UPF3A: variants seen among roughly 807,000 people sequenced by gnomAD.
UPF3A encodes UPF3A regulator of nonsense mediated mRNA decay, also known as regulator of nonsense transcripts 3A.
In UPF3A, 42 loss-of-function variants were observed where a neutral mutation model predicts 53.5. That is an observed-to-expected ratio of 0.78 (90% CI 0.61 to 1.01). UPF3A has a LOEUF of 1.01. Ranked by LOEUF, UPF3A falls within the 50% of genes least tolerant of loss-of-function variation. The probability of loss-of-function intolerance (pLI) is 0.00; values close to 1 mark genes in which losing one functional copy is unlikely to be tolerated. For synonymous variants in UPF3A, 237 were observed against 225.3 expected, an observed-to-expected ratio of 1.05 and a Z score of -0.47; for missense variants, 575 against 598.0, an observed-to-expected ratio of 0.96 and a Z score of 0.40.
intron 3 of UPF3A, among the ~76,000 whole-genome samples, chr13:114,284,820 C>T (rs958668714): frequency 2.0e-5 from 3 of 152,122 alleles, no homozygotes; most frequent in African/African-American, 7.2e-5. Flanking sequence ...TCTTTGTTGT[C>T]GTTGTTTTGT....
At chr13:114,304,006 T>G (rs2086823503) in intron 9 of UPF3A, among the ~76,000 whole-genome samples, 1 of 152,196 alleles carries the variant, frequency 6.6e-6, no homozygotes, top group South Asian at 2.1e-4. Flanking sequence ...GCGCATGAGA[T>G]GTACCCACAT....
intron 5 of UPF3A, 56 bp downstream of exon 5, chr13:114,286,685 T>G: frequency 7.1e-7 from 1 of 1,406,262 alleles, no homozygotes. Flanking sequence ...TCGTAGAGGA[T>G]ATACGTTTTT....
At chr13:114,302,204 AG>A (rs1204789021) in intron 9 of UPF3A, among the ~76,000 whole-genome samples, 179 bp downstream of exon 9, 8 of 152,210 alleles carry the variant, frequency 5.3e-5, no homozygotes, top group Non-Finnish European at 1.2e-4. Flanking sequence ...ATCTTTTCTC[AG>A]ATAATCAAAT....
intron 7 of UPF3A, among the ~76,000 whole-genome samples, chr13:114,297,706 G>A (rs917670588): frequency 1.3e-5 from 2 of 152,118 alleles, no homozygotes; most frequent in African/African-American, 4.8e-5. Flanking sequence ...GCAGGAGCCT[G>A]TAATCCCAGC....
Position 114,301,858 on chromosome 13 carries a change from T to C in UPF3A, c.1135T>C (p.Ser379Pro). 6.2e-7 allele frequency: 1 copy of C among 1,613,012 alleles called. No individual in the cohort carries two copies. Among genetic ancestry groups the C allele is most frequent in the South Asian group, 1.1e-5 (1 of 90,972 alleles). The change falls in exon 9 of 10, where the codon TCC becomes CCC. Residue 379 changes from serine (S) to proline (P), a missense_variant. Physicochemically the swap from Ser to Pro is moderately conservative, Grantham distance 74. This residue lies in a region of UPF3A where 323 missense variants were observed against 415.2 expected (regional missense o/e 0.78). Transcript: ENST00000375299. ...HRAHHEPERL[S>P]RRSEDEQRWG... is the part of the protein sequence containing the mutation. ...AGCTCACCACGAGCCTGAACGGCTT[T>C]CCAGAAGGAGTGAGGATGAGCAGAG...
Position 114,291,646 on chromosome 13 carries a change from G to C in UPF3A, c.700G>C (p.Glu234Gln), listed in dbSNP as rs1054409672. ...RKLEKQRIRE[E>Q]KREERRRREL... ...TCCATGTCTTTAGAGAATTCGAGAA[G>C]AGAAGCGAGAAGAACGGAGGAGGAG... is the stretch of plus-strand genomic sequence containing the variant. The change falls in exon 7 of 10, where the codon GAG becomes CAG. Residue 234 changes from glutamate (E) to glutamine (Q), a missense_variant. Glu to Gln is a conservative substitution (Grantham distance 29, BLOSUM62 2). Transcript: ENST00000375299. The C allele has an allele frequency of 1.2e-6, 2 of 1,603,976 alleles. No individual in the cohort carries two copies. Among genetic ancestry groups the C allele is most frequent in the Non-Finnish European group, 1.7e-6 (2 of 1,177,750 alleles).
intron 5 of UPF3A, among the ~76,000 whole-genome samples, chr13:114,287,983 T>G (rs2084895388): frequency 1.3e-5 from 2 of 152,136 alleles, no homozygotes; most frequent in African/African-American, 2.4e-5. Context: ...ATTTTTATAT[T>G]TTTGTGGAGA....
rs1355405550 is a variant in UPF3A at position 114,301,869 on chromosome 13, T to G, written c.1146T>G (p.Ser382Arg). 1.2e-6 allele frequency: 2 copies of G among 1,609,578 alleles called. No homozygotes were observed. The highest frequency in any genetic ancestry group is 2.7e-5 in the African/African-American group (2 of 73,900). ...HHEPERLSRRSEDEQRWGKGP... is the reference protein window; with the variant it reads ...HHEPERLSRRREDEQRWGKGP... ...AGCCTGAACGGCTTTCCAGAAGGAG[T>G]GAGGATGAGCAGAGATGGGGGAAAG... The change falls in exon 9 of 10, where the codon AGT (serine) becomes AGG (arginine). Residue 382 changes from serine (S) to arginine (R), a missense_variant. Transcript: ENST00000375299.
chr13:114,300,542 T>TG lies in UPF3A; in HGVS notation c.1008-1189_1008-1188insG, dbSNP rs1242642043. On this transcript the variant is annotated intron_variant, in intron 8 of 9. Coordinates refer to ENST00000375299, the MANE Select transcript of UPF3A (RefSeq NM_023011.4). ...CGCCACCATGCCTGGCTAATTTTTG[T>TG]TTTTTTTTTGTTTTTTTGAAACGGA... Among the ~76,000 whole-genome samples the TG allele has an allele frequency of 8.1e-3, 529 of 65,548 alleles. 5 individuals are homozygous for TG. The highest frequency in any genetic ancestry group is 0.065 in the African/African-American group (483 of 7,450). 43.0% of individuals were successfully genotyped at this position (65,548 alleles called of 152,430 possible).
At position 114,281,631 on chromosome 13, in the gene UPF3A, G is replaced by C. The variant is rs565097968; in HGVS notation, c.-9G>C. 1.4e-6 allele frequency: 2 copies of C among 1,434,102 alleles called. No individual in the cohort carries two copies. The highest frequency in any genetic ancestry group is 2.9e-5 in the East Asian group (1 of 34,800). The allele number at this position is 1,434,102 out of a possible 1,614,324, so 88.8% of individuals were successfully genotyped here. A position where few individuals can be genotyped will look rare whatever the true frequency, so the allele number is the denominator to read the frequency against. ...GGGCTGGCGGCTGCGGCTCGGCGGA[G>C]AGTGCGGCATGCGCTCGGAAAAGGA... On this transcript the variant is annotated 5_prime_UTR_variant, in exon 1 of 10. Transcript: ENST00000375299.
intron 7 of UPF3A, among the ~76,000 whole-genome samples, chr13:114,292,132 C>T (rs2085345754): frequency 6.7e-6 from 1 of 148,182 alleles, no homozygotes; most frequent in Non-Finnish European, 1.5e-5. Context: ...CTTTCATTTT[C>T]GGCTCAAGGC....
intron 9 of UPF3A, among the ~76,000 whole-genome samples, chr13:114,302,378 A>T (rs1465086650): frequency 6.6e-6 from 1 of 152,224 alleles, no homozygotes; most frequent in Non-Finnish European, 1.5e-5. Context: ...CATTCTGATT[A>T]TTGGTGAATA....
intron 5 of UPF3A, chr13:114,287,328 C>T (rs564838579): frequency 1.3e-5 from 2 of 152,328 alleles, no homozygotes; most frequent in African/African-American, 4.8e-5. Context: ...GCCCTGCCCA[C>T]CCATCAAGAT....
At position 114,281,802 on chromosome 13, in the gene UPF3A, G is replaced by C. The variant is rs1399862043; in HGVS notation, c.163G>C (p.Gly55Arg). 3.2e-6 allele frequency: 5 copies of C among 1,554,180 alleles called. No homozygotes were observed. The highest frequency in any genetic ancestry group is 4.3e-6 in the Non-Finnish European group (5 of 1,149,774). Reference protein sequence around the residue: ...PPTSSSGCGGGAGKPREEKRT... With the variant: ...PPTSSSGCGGRAGKPREEKRT... Reference sequence around the variant, plus strand: ...AACTTCGTCCTCCGGTTGCGGGGGCGGTGCGGGCAAACCTCGCGAGGAGAA... The same window carrying C: ...AACTTCGTCCTCCGGTTGCGGGGGCCGTGCGGGCAAACCTCGCGAGGAGAA... Residue 55 changes from glycine to arginine, a missense_variant, in exon 1 of 10, where the codon GGT becomes CGT. Gly to Arg is a moderately radical substitution (Grantham distance 125). This residue lies in a region of UPF3A where 252 missense variants were observed against 182.7 expected (regional missense o/e 1.38). Transcript: ENST00000375299.
At position 114,293,723 on chromosome 13, in the gene UPF3A, G is replaced by GA. The variant is rs1356242007; in HGVS notation, c.846+1938dup. Among the ~76,000 whole-genome samples the GA allele has an allele frequency of 6.6e-5, 10 of 152,190 alleles. No individual in the cohort carries two copies. In the South Asian group the frequency reaches 8.3e-4, roughly 13 times the overall value. On this transcript the variant is annotated intron_variant, in intron 7 of 9. Coordinates refer to ENST00000375299, the MANE Select transcript of UPF3A (RefSeq NM_023011.4). ...ATTCAATAATATTGTACAATATGAG[G>GA]AAAAAAATGAAATGTCAGGACTTGG...
Position 114,291,832 on chromosome 13 carries a change from C to T in UPF3A, c.846+40C>T. On this transcript the variant is annotated intron_variant, in intron 7 of 9. Coordinates refer to ENST00000375299, the MANE Select transcript of UPF3A (RefSeq NM_023011.4). ...ACATTTCCTTTTTCCAAAAATAGCT[C>T]TGCTATAGTAATTACACTTTTTACA... 1.9e-6 allele frequency: 3 copies of T among 1,552,070 alleles called. No homozygotes were observed. In the South Asian group the frequency reaches 3.7e-5, roughly 19 times the overall value.
chr13:114,294,908 C>T (rs376289478), intron 7 of UPF3A, among the ~76,000 whole-genome samples: 33 of 151,016 alleles, frequency 2.2e-4, no homozygotes, highest in Non-Finnish European at 2.9e-4. Flanking sequence ...GTCAGGAGAT[C>T]GAGACCATCC....
intron 7 of UPF3A, among the ~76,000 whole-genome samples, chr13:114,297,267 T>G (rs569275697): frequency 6.6e-6 from 1 of 152,194 alleles, no homozygotes; most frequent in East Asian, 1.9e-4. Context: ...TGAGGTGCTT[T>G]AGTTTCAAAA....
At chr13:114,287,231 A>G (rs2084781056) in intron 5 of UPF3A, 1 of 152,916 alleles carries the variant, frequency 6.5e-6, no homozygotes, top group South Asian at 2.1e-4. Flanking sequence ...TTAGTCCCAG[A>G]CACACCTGGT....
Sources: allele counts gnomAD v4.1 joint callset (sites outside exome capture counted in the v4.1 genomes callset), GRCh38; gene constraint gnomAD v4.1.1; regional missense constraint gnomAD v4.1.1; transcripts MANE v1.5; gene names NCBI Gene and HGNC (gene_info 2026-07-23, HGNC 2026-07-21).